GRM8: variants seen among roughly 807,000 people sequenced by gnomAD.
GRM8 encodes the protein metabotropic glutamate receptor 8.
GRM8 carries 47 observed loss-of-function variants against 87.2 expected under a neutral mutation model. The ratio of observed to expected loss-of-function variants is 0.54; its 90% CI spans 0.43 to 0.69. GRM8 has a LOEUF of 0.69. Among genes scored for constraint, GRM8 ranks in the 30% least tolerant of loss-of-function variants. GRM8 has a pLI of 0.00. For missense variants in GRM8, 1,019 were observed against 1,139.2 expected (o/e 0.89, Z 1.52); for synonymous variants, 396 against 404.5 (o/e 0.98, Z 0.25).
chr7:126,631,874 A>C (rs1801306815), intron 7 of GRM8, among the ~76,000 whole-genome samples: 1 of 152,196 alleles, frequency 6.6e-6, no homozygotes. Flanking sequence ...CTTATACAAA[A>C]ATTAACTCAA....
intron 8 of GRM8, among the ~76,000 whole-genome samples, chr7:126,567,775 CAAA>C (rs1226064461): frequency 6.6e-6 from 1 of 152,012 alleles, no homozygotes; most frequent in African/African-American, 2.4e-5. Flanking sequence ...TATAAAGAGA[CAAA>C]AATAAGATGT....
chr7:126,921,701 A>T (rs1421745935), intron 3 of GRM8, among the ~76,000 whole-genome samples: 8 of 152,170 alleles, frequency 5.3e-5, no homozygotes, highest in Admixed American at 5.2e-4. Flanking sequence ...TTTTATTTGA[A>T]ATGAAAAGAA....
chr7:126,576,578 C>T (rs1277505242), intron 8 of GRM8, among the ~76,000 whole-genome samples: 6 of 152,138 alleles, frequency 3.9e-5, no homozygotes, highest in Admixed American at 3.3e-4. Context: ...CCACCACACC[C>T]GGCCCCCAGC....
chr7:126,776,835 A>G (rs1386668149), intron 6 of GRM8, among the ~76,000 whole-genome samples: 1 of 152,148 alleles, frequency 6.6e-6, no homozygotes, highest in Non-Finnish European at 1.5e-5. Context: ...GGGCCCCTCC[A>G]GCTCTGAAAT....
chr7:126,563,447 A>G (rs12706737), intron 8 of GRM8, among the ~76,000 whole-genome samples: 29,719 of 152,072 alleles, frequency 0.2, 3,437 homozygotes, highest in East Asian at 0.31. Context: ...GTCTGGGAAG[A>G]GCTTCCCAAA....
chr7:126,635,446 G>A (rs574853731), intron 7 of GRM8, among the ~76,000 whole-genome samples: 22 of 152,074 alleles, frequency 1.4e-4, no homozygotes, highest in African/African-American at 5.3e-4. Flanking sequence ...AAACTCATAC[G>A]ACCCTTTACT....
chr7:127,189,077 T>C (rs1182359919), intron 2 of GRM8, among the ~76,000 whole-genome samples: 1 of 152,248 alleles, frequency 6.6e-6, no homozygotes, highest in African/African-American at 2.4e-5. Flanking sequence ...TAGTCAAACA[T>C]CTACCCTCAG....
chr7:126,439,271 C>T (rs981016852), intron 10 of GRM8, 103 bp from the exon 11 acceptor site: 15 of 733,744 alleles, frequency 2.0e-5, no homozygotes, highest in Admixed American at 7.5e-5. Context: ...TTAATAATAT[C>T]CAGCTTTTAC....
At chr7:126,745,187 G>C (rs1815502507) in intron 7 of GRM8, among the ~76,000 whole-genome samples, 2 of 151,006 alleles carry the variant, frequency 1.3e-5, no homozygotes, top group Admixed American at 6.6e-5. Context: ...CAATTTAATA[G>C]AAAAAAAAGA....
rs1214370299 is a variant in GRM8, at chr7:127,160,532, C to CGT, written c.511-53821_511-53820insAC. Reference sequence around the variant, plus strand: ...GGGTGTAAGGAGGCTCCATCACGCGCGCGCACACACACACACACACACCCC... The same window carrying CGT: ...GGGTGTAAGGAGGCTCCATCACGCGCGTGCGCACACACACACACACACACCCC... On this transcript the variant is annotated intron_variant, in intron 2 of 10. Coordinates refer to ENST00000339582, the MANE Select transcript of GRM8 (RefSeq NM_000845.3). Among the ~76,000 whole-genome samples, 6 of 150,014 alleles carry CGT rather than the reference C, an allele frequency of 4.0e-5. No individual in the cohort carries two copies. The South Asian group carries it at 8.3e-4, about 21-fold the overall frequency.
chr7:127,010,866 C>G (rs887173957), intron 3 of GRM8, among the ~76,000 whole-genome samples: 2 of 151,802 alleles, frequency 1.3e-5, no homozygotes, highest in African/African-American at 4.8e-5. Flanking sequence ...TTCAAAGCCA[C>G]TTGTTGTGTA....
intron 9 of GRM8, chr7:126,512,923 A>G (rs1282807125): frequency 2.6e-5 from 4 of 152,134 alleles, no homozygotes; most frequent in Non-Finnish European, 4.4e-5. Context: ...ATTATAGCTC[A>G]TTGTCTGTGA....
chr7:127,075,261 C>G (rs1328596067), intron 3 of GRM8, among the ~76,000 whole-genome samples: 2 of 152,146 alleles, frequency 1.3e-5, no homozygotes, highest in Non-Finnish European at 2.9e-5. Flanking sequence ...CAGTTAATCA[C>G]AGGTAACAAA....
intron 10 of GRM8, among the ~76,000 whole-genome samples, chr7:126,444,044 A>G (rs1409465439): frequency 6.6e-6 from 1 of 151,908 alleles, no homozygotes; most frequent in Non-Finnish European, 1.5e-5. Flanking sequence ...TTTGGCAACC[A>G]TATTTTATAA....
intron 9 of GRM8, among the ~76,000 whole-genome samples, chr7:126,477,440 T>A (rs1280475447): frequency 5.9e-5 from 9 of 152,080 alleles, no homozygotes; most frequent in Admixed American, 5.9e-4. Context: ...ATTATCTTTA[T>A]TGTGGTAATT....
chr7:127,032,839 T>C (rs1817509260), intron 3 of GRM8, among the ~76,000 whole-genome samples: 1 of 152,072 alleles, frequency 6.6e-6, no homozygotes, highest in Admixed American at 6.5e-5. Flanking sequence ...TATTTTTAAA[T>C]TTTATTTTTG....
chr7:126,479,417 T>C (rs1353696106), intron 9 of GRM8, among the ~76,000 whole-genome samples: 1 of 152,090 alleles, frequency 6.6e-6, no homozygotes, highest in South Asian at 2.1e-4. Context: ...ACTAACCTAC[T>C]ATATGTCTCT....
At chr7:126,752,123 TAC>T (rs1291406896) in intron 7 of GRM8, among the ~76,000 whole-genome samples, 3 of 152,134 alleles carry the variant, frequency 2.0e-5, no homozygotes, top group Non-Finnish European at 2.9e-5. Flanking sequence ...ATTAAAAGCT[TAC>T]AGCAGTCATT....
chr7:126,521,113 G>A (rs879362400), intron 9 of GRM8, among the ~76,000 whole-genome samples: 1 of 152,114 alleles, frequency 6.6e-6, no homozygotes, highest in Non-Finnish European at 1.5e-5. Flanking sequence ...TTTAGAGAAA[G>A]CAGCTGCCAG....
Sources: allele counts gnomAD v4.1 joint callset (sites outside exome capture counted in the v4.1 genomes callset), GRCh38; gene constraint gnomAD v4.1.1; transcripts MANE v1.5; gene names NCBI Gene and HGNC (gene_info 2026-07-23, HGNC 2026-07-21).